The following PHKB variants were observed in gnomAD, a reference collection of about 807,000 sequenced individuals.
The protein encoded by PHKB is phosphorylase b kinase regulatory subunit beta.
PHKB carries 122 observed loss-of-function variants against 152.1 expected under a neutral mutation model. The ratio of observed to expected loss-of-function variants is 0.80; its 90% confidence interval spans 0.69 to 0.93. The LOEUF is 0.93. Among genes scored for constraint, PHKB ranks in the 40% least tolerant of loss-of-function variants. The probability of loss-of-function intolerance (pLI) is 0.00; values close to 1 mark genes in which losing one functional copy is unlikely to be tolerated. For missense variants in PHKB, 1,304 were observed against 1,328.4 expected, an observed-to-expected ratio of 0.98 and a Z score of 0.29; for synonymous variants, 436 against 464.9, an observed-to-expected ratio of 0.94 and a Z score of 0.80.
intron 1 of PHKB, among the ~76,000 whole-genome samples, chr16:47,494,374 A>G (rs1424189090): frequency 6.6e-6 from 1 of 152,226 alleles, no homozygotes; most frequent in East Asian, 1.9e-4. Flanking sequence ...AGTAACTTAT[A>G]TTAATATAAT....
At chr16:47,523,377 C>T (rs1567291287) in intron 6 of PHKB, among the ~76,000 whole-genome samples, 3 of 152,142 alleles carry the variant, frequency 2.0e-5, no homozygotes, top group South Asian at 4.1e-4. Context: ...TCATAGGTGG[C>T]CATTGAGGTC....
intron 26 of PHKB, among the ~76,000 whole-genome samples, chr16:47,681,902 C>T (rs1265746986): frequency 6.6e-6 from 1 of 152,138 alleles, no homozygotes; most frequent in East Asian, 1.9e-4. Context: ...TTTGCAGTGT[C>T]TGGTACCAGT....
intron 4 of PHKB, among the ~76,000 whole-genome samples, chr16:47,506,363 CAT>C (rs540660666): frequency 7.2e-5 from 11 of 152,160 alleles, no homozygotes; most frequent in East Asian, 1.9e-4. Flanking sequence ...ATAATAGAGA[CAT>C]ATGAAAAACC....
At chr16:47,591,676 A>C (rs779493855) in intron 10 of PHKB, among the ~76,000 whole-genome samples, 1 of 152,102 alleles carries the variant, frequency 6.6e-6, no homozygotes, top group Non-Finnish European at 1.5e-5. Context: ...TATTAACCAC[A>C]GATCTCCATC....
At chr16:47,573,624 C>G (rs554301269) in intron 7 of PHKB, among the ~76,000 whole-genome samples, 28 of 152,292 alleles carry the variant, frequency 1.8e-4, no homozygotes, top group Admixed American at 5.2e-4. Flanking sequence ...GGTTGTAAGT[C>G]CTTCTGCCCA....
rs1971193443 is a variant in PHKB, at chr16:47,547,490, T to C, written c.652T>C (p.Phe218Leu). Reference sequence around the variant, plus strand: ...GGAAAGAGTTTACCGTGTGCCTGACTTTGGTGTCTGGGAAAGAGGAAGCAA... The same window carrying C: ...GGAAAGAGTTTACCGTGTGCCTGACCTTGGTGTCTGGGAAAGAGGAAGCAA... The part of the protein sequence containing the change: ...CVERVYRVPD[F>L]GVWERGSKYN... Residue 218 changes from phenylalanine (F) to leucine (L), a missense_variant, in exon 7 of 31, where the codon TTT (phenylalanine) becomes CTT (leucine). Phe to Leu is a conservative substitution (Grantham distance 22, BLOSUM62 0). Coordinates refer to ENST00000323584, the MANE Select transcript of PHKB (RefSeq NM_000293.3). 3.7e-6 allele frequency: 6 copies of C among 1,613,386 alleles called. No homozygotes were observed. The highest frequency in any genetic ancestry group is 5.1e-6 in the Non-Finnish European group (6 of 1,179,346).
chr16:47,598,971 A>G, intron 13 of PHKB: 2 of 1,280,444 alleles, frequency 1.6e-6, no homozygotes, highest in Admixed American at 1.7e-5. Context: ...CCAATCCCAC[A>G]AGGCCAGTGG....
intron 16 of PHKB, among the ~76,000 whole-genome samples, chr16:47,643,528 G>T (rs1973062702): frequency 6.6e-6 from 1 of 152,214 alleles, no homozygotes; most frequent in South Asian, 2.1e-4. Flanking sequence ...AGACAGACTT[G>T]TGAGCAAGAG....
intron 25 of PHKB, chr16:47,665,477 C>G (rs867683854): frequency 1.2e-5 from 3 of 246,570 alleles, no homozygotes; most frequent in African/African-American, 4.6e-5. Context: ...AAATTCAGTA[C>G]TAAGTGAATC....
chr16:47,696,546 C>T, intron 29 of PHKB, 58 bp downstream of exon 29: 4 of 963,338 alleles, frequency 4.2e-6, no homozygotes, highest in Non-Finnish European at 6.8e-6. Flanking sequence ...TCCGTGAAAA[C>T]TAGTATAAGG....
At chr16:47,655,368 A>C (rs1973317506) in intron 20 of PHKB, among the ~76,000 whole-genome samples, 2 of 152,228 alleles carry the variant, frequency 1.3e-5, no homozygotes, top group African/African-American at 2.4e-5. Context: ...TCAAGCTTTT[A>C]CTTTGGGCAT....
intron 4 of PHKB, among the ~76,000 whole-genome samples, chr16:47,508,130 T>G (rs1380071010): frequency 1.3e-5 from 2 of 152,336 alleles, no homozygotes; most frequent in East Asian, 3.9e-4. Context: ...AAATACTAGC[T>G]AAAAGAGATA....
chr16:47,566,143 C>A lies in PHKB; in HGVS notation c.711-14152C>A. 4.6e-6 allele frequency: 3 copies of A among 648,682 alleles called. No homozygotes were observed. The South Asian group carries it at 5.3e-5, about 11-fold the overall frequency. The allele number at this position is 648,682 out of a possible 1,614,324, so 40.2% of individuals were successfully genotyped here. On this transcript the variant is annotated intron_variant, in intron 7 of 30. Transcript: ENST00000323584. ...CTGCTGCCTTGGTCATCATAGCGAT[C>A]CCAGTCGCCGTATCAATCCATATCC...
chr16:47,546,190 A>C (rs964769257), intron 6 of PHKB, among the ~76,000 whole-genome samples: 2 of 152,114 alleles, frequency 1.3e-5, no homozygotes, highest in African/African-American at 4.8e-5. Context: ...TAGAACTTTC[A>C]GCTTTTCTGC....
At chr16:47,649,294 T>C in intron 18 of PHKB, 90 bp downstream of exon 18, 1 of 795,766 alleles carries the variant, frequency 1.3e-6, no homozygotes, top group South Asian at 1.4e-5. Flanking sequence ...CCCAGGTATC[T>C]GTGACACTGG....
At position 47,650,530 on chromosome 16, in the gene PHKB, A is replaced by G. The variant is rs1016649269; in HGVS notation, c.1798-14A>G. On this transcript the variant is annotated splice_polypyrimidine_tract_variant and intron_variant, in intron 18 of 30. Transcript: ENST00000323584. The stretch of plus-strand genomic sequence containing the variant: ...ATACTGTGCCATTACATCCTACCTC[A>G]TTCTGTTTGACAGAATGCGCTGCAG... 6.6e-7 allele frequency: 1 copy of G among 1,511,746 alleles called. No individual in the cohort carries two copies. Among genetic ancestry groups the G allele is most frequent in the Non-Finnish European group, 9.2e-7 (1 of 1,087,122 alleles). The allele number at this position is 1,511,746 out of a possible 1,614,324, so 93.6% of individuals were successfully genotyped here.
At chr16:47,540,066 A>T (rs1971025922) in intron 6 of PHKB, among the ~76,000 whole-genome samples, 1 of 152,204 alleles carries the variant, frequency 6.6e-6, no homozygotes, top group African/African-American at 2.4e-5. Context: ...GAGAGATATC[A>T]CTAAATTCTT....
chr16:47,619,383 A>G (rs1192091473), intron 14 of PHKB: 2 of 152,216 alleles, frequency 1.3e-5, no homozygotes, highest in Non-Finnish European at 1.5e-5. Flanking sequence ...GAGTTCTGTG[A>G]AAGTGATCTG....
intron 5 of PHKB, among the ~76,000 whole-genome samples, chr16:47,512,777 T>G (rs1970531989): frequency 1.3e-5 from 2 of 152,220 alleles, no homozygotes; most frequent in African/African-American, 4.8e-5. Flanking sequence ...GATTTTCTGC[T>G]CATCATTTGG....
Sources: allele counts gnomAD v4.1 joint callset (sites outside exome capture counted in the v4.1 genomes callset), GRCh38; gene constraint gnomAD v4.1.1; transcripts MANE v1.5; gene names NCBI Gene and HGNC (gene_info 2026-07-23, HGNC 2026-07-21).